RARB: variants seen among roughly 807,000 people sequenced by gnomAD.
The protein encoded by RARB is retinoic acid receptor beta, also known as HBV-activated protein.
RARB carries 17 observed loss-of-function variants against 51.9 expected under a neutral mutation model. That is an observed-to-expected ratio of 0.33 (90% confidence interval 0.22 to 0.49). The LOEUF (loss-of-function observed/expected upper bound fraction) is 0.49. RARB is among the 20% of genes least tolerant of loss of function. The pLI, the probability that RARB is intolerant of heterozygous loss-of-function variation, is 0.99. For synonymous variants in RARB, 215 were observed against 195.4 expected (o/e 1.10, Z -0.84); for missense variants, 369 against 550.8 (o/e 0.67, Z 3.30).
intron 5 of RARB, among the ~76,000 whole-genome samples, chr3:25,245,702 G>A (rs559934959): frequency 2.6e-5 from 4 of 152,264 alleles, no homozygotes; most frequent in African/African-American, 9.6e-5. Context: ...CCCTTTGTGG[G>A]TAACCTGACC....
chr3:25,137,658 T>C (rs966095782), intron 4 of RARB, among the ~76,000 whole-genome samples: 1 of 152,098 alleles, frequency 6.6e-6, no homozygotes, highest in Non-Finnish European at 1.5e-5. Flanking sequence ...ATTAATATCT[T>C]AGTGGAAGAT....
At chr3:25,088,522 T>C (rs190597475) in intron 3 of RARB, among the ~76,000 whole-genome samples, 3 of 152,278 alleles carry the variant, frequency 2.0e-5, no homozygotes, top group African/African-American at 7.2e-5. Context: ...GAAATCCATG[T>C]AGTGGAGCAT....
chr3:24,911,177 A>G (rs561302378), intron 2 of RARB, among the ~76,000 whole-genome samples: 4 of 152,346 alleles, frequency 2.6e-5, no homozygotes, highest in African/African-American at 9.6e-5. Context: ...GGATGAAACC[A>G]TCTTCTCTCT....
At chr3:24,865,010 C>T (rs1171943628) in intron 2 of RARB, among the ~76,000 whole-genome samples, 1 of 152,156 alleles carries the variant, frequency 6.6e-6, no homozygotes, top group Non-Finnish European at 1.5e-5. Flanking sequence ...TATTAAATCT[C>T]TCGTCTCCAT....
At chr3:25,136,956 T>C (rs1049226610) in intron 4 of RARB, among the ~76,000 whole-genome samples, 5 of 152,014 alleles carry the variant, frequency 3.3e-5, no homozygotes, top group African/African-American at 1.2e-4. Flanking sequence ...GAGCCCAGAA[T>C]GGCCCATGAT....
At chr3:25,171,692 G>C (rs891090601) in intron 4 of RARB, among the ~76,000 whole-genome samples, 43 of 131,050 alleles carry the variant, frequency 3.3e-4, no homozygotes, top group African/African-American at 1.1e-3. Flanking sequence ...GTGCCCTGCG[G>C]GGGTGGATTT....
intron 3 of RARB, among the ~76,000 whole-genome samples, chr3:25,540,122 A>G (rs951749454): frequency 6.6e-6 from 1 of 152,116 alleles, no homozygotes; most frequent in Non-Finnish European, 1.5e-5. Flanking sequence ...TTTCATATGT[A>G]TTTCCTTAGT....
chr3:25,340,386 C>G (rs982998676), intron 5 of RARB, among the ~76,000 whole-genome samples: 2 of 152,152 alleles, frequency 1.3e-5, no homozygotes, highest in African/African-American at 2.4e-5. Flanking sequence ...TCCCTTCATG[C>G]TAAGCCCTGT....
intron 5 of RARB, among the ~76,000 whole-genome samples, chr3:25,294,034 G>C (rs1416133315): frequency 6.6e-6 from 1 of 152,108 alleles, no homozygotes; most frequent in South Asian, 2.1e-4. Context: ...CTTCGGAGGA[G>C]GTAAGGAGGG....
intron 2 of RARB, among the ~76,000 whole-genome samples, chr3:24,895,838 A>T (rs1439542151): frequency 1.3e-5 from 2 of 152,190 alleles, no homozygotes; most frequent in African/African-American, 4.8e-5. Flanking sequence ...GCATAGAATA[A>T]CGTCCAGCAC....
chr3:25,399,394 C>T (rs1332819596), intron 5 of RARB, among the ~76,000 whole-genome samples: 3 of 152,154 alleles, frequency 2.0e-5, no homozygotes, highest in East Asian at 1.9e-4. Context: ...CAGTCTGGAC[C>T]ACCTAGATGT....
chr3:25,470,718 C>T (rs1367286707), intron 2 of RARB, among the ~76,000 whole-genome samples: 1 of 152,204 alleles, frequency 6.6e-6, no homozygotes, highest in Non-Finnish European at 1.5e-5. Context: ...ACCATTTCCT[C>T]AGAGAAGCCT....
chr3:25,201,948 G>A lies in RARB; in HGVS notation c.178+27373G>A, dbSNP rs192653304. On this transcript the variant is annotated intron_variant, in intron 5 of 11. Transcript: ENST00000383772. ...TTGGTATCAGGATGATGCTGGCCTC[G>A]TAAAATGAGTTAGGGAGGATTCCCT... Among the ~76,000 whole-genome samples, 619 of 152,136 alleles carry A rather than the reference G, an allele frequency of 4.1e-3. 10 individuals are homozygous for A. Among genetic ancestry groups the A allele is most frequent in the East Asian group, 0.034 (176 of 5,174 alleles).
At chr3:25,329,221 C>T (rs1575316479) in intron 5 of RARB, among the ~76,000 whole-genome samples, 1 of 152,218 alleles carries the variant, frequency 6.6e-6, no homozygotes, top group East Asian at 1.9e-4. Context: ...GGACAGACTG[C>T]CTCCTCAAGT....
At chr3:25,237,157 C>T (rs946105502) in intron 5 of RARB, among the ~76,000 whole-genome samples, 1 of 151,994 alleles carries the variant, frequency 6.6e-6, no homozygotes, top group African/African-American at 2.4e-5. Context: ...GCATTAATAT[C>T]TCAAAACAGA....
At chr3:25,330,267 A>G (rs1704852376) in intron 5 of RARB, among the ~76,000 whole-genome samples, 1 of 152,206 alleles carries the variant, frequency 6.6e-6, no homozygotes, top group African/African-American at 2.4e-5. Flanking sequence ...CCAGAGAGAA[A>G]GGTCAGGTTA....
At chr3:25,069,162 G>C (rs1241433351) in intron 3 of RARB, among the ~76,000 whole-genome samples, 1 of 152,152 alleles carries the variant, frequency 6.6e-6, no homozygotes, top group African/African-American at 2.4e-5. Context: ...GGAAAGGGAA[G>C]AGAAAGAAGA....
intron 2 of RARB, among the ~76,000 whole-genome samples, chr3:24,979,380 T>C (rs1446980123): frequency 6.6e-6 from 1 of 152,122 alleles, no homozygotes; most frequent in Non-Finnish European, 1.5e-5. Context: ...CTAAGTCTCT[T>C]TATAGGTCTC....
intron 3 of RARB, among the ~76,000 whole-genome samples, chr3:25,070,961 C>G (rs1698755517): frequency 6.6e-6 from 1 of 152,168 alleles, no homozygotes; most frequent in Non-Finnish European, 1.5e-5. Context: ...TCTTCACAAG[C>G]TCTTGCCTTG....
Sources: allele counts gnomAD v4.1 joint callset (sites outside exome capture counted in the v4.1 genomes callset), GRCh38; gene constraint gnomAD v4.1.1; transcripts MANE v1.5; gene names NCBI Gene and HGNC (gene_info 2026-07-23, HGNC 2026-07-21).